MYL5: variants seen among roughly 807,000 people sequenced by gnomAD.
MYL5 encodes the protein myosin regulatory light chain 5.
A neutral mutation model predicts 20.8 loss-of-function variants in MYL5; 28 were observed. That is an observed-to-expected ratio of 1.35 (90% CI 1.00 to 1.84). The LOEUF is 1.84. Ranked by LOEUF, MYL5 falls within the 40% of genes most tolerant of loss-of-function variation. The pLI, the probability that MYL5 is intolerant of heterozygous loss-of-function variation, is 0.00. For missense variants in MYL5, 274 were observed against 227.3 expected (o/e 1.21, Z -1.32); for synonymous variants, 118 against 87.4 (o/e 1.35, Z -1.95).
chr4:680,394 A>T, intron 4 of MYL5, 115 bp from the exon 7 acceptor site: 1 of 1,101,654 alleles, frequency 9.1e-7, no homozygotes, highest in South Asian at 1.3e-5. Flanking sequence ...CCTTGTGGGC[A>T]GAGGCTTGGA....
At chr4:681,377 C>T (rs962615215) in intron 6 of MYL5, among the ~76,000 whole-genome samples, 1 of 151,970 alleles carries the variant, frequency 6.6e-6, no homozygotes, top group Non-Finnish European at 1.5e-5. Flanking sequence ...GACCCCTCCG[C>T]GGCCTGAGCG....
In MYL5 at chr4:678,982, CGA is replaced by C. The variant is rs753609225; in HGVS notation, c.139_140del (p.Asp47TrpfsTer4). The C allele has an allele frequency of 8.6e-5, 138 of 1,613,670 alleles. No individual in the cohort carries two copies. The highest frequency in any genetic ancestry group is 1.1e-4 in the Non-Finnish European group (135 of 1,179,982). The stretch of plus-strand genomic sequence containing the variant: ...GGCATTCACACTCATGGATCAGAAC[CGA>C]GATGGCTTCATTGACAAGGAGGACC... On this transcript the variant is annotated frameshift_variant, in exon 3 of 7. Transcript: ENST00000400159. LOFTEE classifies it high-confidence loss of function.
At chr4:677,440 C>A (rs1006661118), upstream of MYL5, among the ~76,000 whole-genome samples, 2 of 152,230 alleles carry the variant, frequency 1.3e-5, no homozygotes, top group African/African-American at 4.8e-5. Flanking sequence ...GCTCCTCCAA[C>A]CCAGAAATGT....
upstream of MYL5, among the ~76,000 whole-genome samples, chr4:677,321 G>A (rs1738941469): frequency 6.6e-6 from 1 of 152,226 alleles, no homozygotes; most frequent in Admixed American, 6.5e-5. Flanking sequence ...CCTGGGCCAG[G>A]TCCCTACCCC....
chr4:680,818 A>G, intron 5 of MYL5: 1 of 629,942 alleles, frequency 1.6e-6, no homozygotes, highest in Non-Finnish European at 2.7e-6. Flanking sequence ...CCCTCAGCCC[A>G]CTCCTCCATC....
chr4:678,733 T>C (rs1419413320), exon 2 of MYL5: 1 of 1,611,960 alleles, frequency 6.2e-7, no homozygotes, highest in Non-Finnish European at 8.5e-7. Context: ...CTTCTCCAAC[T>C]TTGAGCAGAC....
intron 3 of MYL5, among the ~76,000 whole-genome samples, chr4:679,453 C>T (rs897112877): frequency 4.6e-5 from 7 of 152,004 alleles, no homozygotes; most frequent in Non-Finnish European, 1.0e-4. Context: ...CAGCACAGCC[C>T]GAGTGTGGTG....
chr4:681,248 C>T lies in MYL5; in HGVS notation c.420+108C>T, dbSNP rs867410740. 29 of 1,369,202 alleles carry T rather than the reference C, an allele frequency of 2.1e-5. No homozygotes were observed. In the Middle Eastern group the frequency reaches 7.0e-4, roughly 33 times the overall value. 84.8% of individuals were successfully genotyped at this position (1,369,202 alleles called of 1,614,324 possible). The stretch of plus-strand genomic sequence containing the variant: ...CCGAGGAGCAGCGCCGCGGTTAGGA[C>T]CCAGGACAGAACAGGCCCCCGGGGG... On this transcript the variant is annotated intron_variant, in intron 6 of 6. Coordinates refer to ENST00000400159, the Ensembl canonical transcript of MYL5.
chr4:674,598 C>T (rs573223122), upstream of MYL5: 4 of 374,446 alleles, frequency 1.1e-5, no homozygotes, highest in East Asian at 1.3e-4. Context: ...GAGGCCCCGC[C>T]GTCCGCGTCC....
At chr4:681,645 G>C (rs1231943759) in intron 6 of MYL5, among the ~76,000 whole-genome samples, 1 of 2,540 alleles carries the variant, frequency 3.9e-4, no homozygotes, top group African/African-American at 1.2e-3. Flanking sequence ...GCGCCGCCCC[G>C]CCCCCTCCAG....
exon 4 of MYL5, chr4:680,008 G>T (rs779274114): frequency 5.6e-6 from 9 of 1,612,448 alleles, no homozygotes; most frequent in Non-Finnish European, 7.6e-6. Flanking sequence ...TGTTTGGGGA[G>T]AAGCTGAGCG....
chr4:678,859 A>G (rs2109335595), intron 2 of MYL5, 94 bp downstream of exon 4: 3 of 1,607,806 alleles, frequency 1.9e-6, no homozygotes, highest in Non-Finnish European at 2.5e-6. Flanking sequence ...GCAGGAGTGG[A>G]AGCCTATCCT....
upstream of MYL5, among the ~76,000 whole-genome samples, chr4:676,675 C>T (rs1232022818): frequency 6.6e-6 from 1 of 152,026 alleles, no homozygotes; most frequent in Non-Finnish European, 1.5e-5. Flanking sequence ...GGCCTCCCAA[C>T]CATGCTTCCC....
chr4:676,660 C>T (rs1326929306), upstream of MYL5, among the ~76,000 whole-genome samples: 1 of 152,184 alleles, frequency 6.6e-6, no homozygotes, highest in East Asian at 1.9e-4. Flanking sequence ...CCGGTGGCCT[C>T]GGGGGGCCTC....
At chr4:678,911 G>C (rs1280241389) in intron 2 of MYL5, 47 bp from the exon 5 acceptor site, 2 of 1,608,750 alleles carry the variant, frequency 1.2e-6, no homozygotes, top group Non-Finnish European at 1.7e-6. Flanking sequence ...GGGCGGGGCA[G>C]AGCCCAGCCG....
intron 5 of MYL5, 160 bp from the exon 8 acceptor site, chr4:680,932 T>C: frequency 1.3e-6 from 1 of 784,846 alleles, no homozygotes; most frequent in South Asian, 1.6e-5. Context: ...GGCCCCTGAG[T>C]GTGTGTTGGG....
upstream of MYL5, among the ~76,000 whole-genome samples, chr4:676,718 C>T (rs904825773): frequency 3.3e-5 from 5 of 152,162 alleles, no homozygotes; most frequent in Admixed American, 3.3e-4. Context: ...TCCTGCAGCC[C>T]AGCAGTGCCC....
Position 679,091 on chromosome 4 carries a change from C to G in MYL5, c.187+58C>G, listed in dbSNP as rs766021820. The G allele has an allele frequency of 4.0e-5, 56 of 1,404,008 alleles. No homozygotes were observed. The Middle Eastern group carries it at 1.3e-3, about 32-fold the overall frequency. 87.0% of individuals were successfully genotyped at this position (1,404,008 alleles called of 1,614,324 possible). A position where few individuals can be genotyped will look rare whatever the true frequency, so the allele number is the denominator to read the frequency against. On this transcript the variant is annotated intron_variant, in intron 3 of 6. Coordinates refer to ENST00000400159, the Ensembl canonical transcript of MYL5. ...TGGAGGAGGCGAACACAGAGGTCCT[C>G]CAGCTCCAGACGCCGCGGCCCCTCC...
chr4:680,877 C>T (rs1214334825), intron 5 of MYL5: 4 of 650,846 alleles, frequency 6.1e-6, no homozygotes, highest in Non-Finnish European at 7.9e-6. Context: ...TGGCCTGTAA[C>T]CTCCTTCCGG....
Sources: allele counts gnomAD v4.1 joint callset (sites outside exome capture counted in the v4.1 genomes callset), GRCh38; gene constraint gnomAD v4.1.1; transcripts MANE v1.5; gene names NCBI Gene and HGNC (gene_info 2026-07-23, HGNC 2026-07-21).